The following CMIP variants were observed in gnomAD, a reference collection of about 807,000 sequenced individuals.
CMIP encodes C-Maf-inducing protein.
CMIP carries 13 observed loss-of-function variants against 97.3 expected under a neutral mutation model. That is an observed-to-expected ratio of 0.13 (90% CI 0.09 to 0.21). CMIP has a LOEUF of 0.21. CMIP is among the 10% of genes least tolerant of loss of function. The pLI, the probability that CMIP is intolerant of heterozygous loss-of-function variation, is 1.00. For synonymous variants in CMIP, 538 were observed against 436.3 expected, an observed-to-expected ratio of 1.23 and a Z score of -2.91; for missense variants, 847 against 1,024.9, an observed-to-expected ratio of 0.83 and a Z score of 2.37.
Position 81,664,569 on chromosome 16 carries a change from T to A in CMIP, c.825+220T>A, listed in dbSNP as rs866721339. 1.8e-4 allele frequency: 103 copies of A among 575,326 alleles called. No individual in the cohort carries two copies. The Middle Eastern group carries it at 3.2e-3, about 18-fold the overall frequency. The allele number at this position is 575,326 out of a possible 1,614,324, so 35.6% of individuals were successfully genotyped here. A position where few individuals can be genotyped will look rare whatever the true frequency, so the allele number is the denominator to read the frequency against. ...AGAATCTTTTTGCAGTTCCTAAGAA[T>A]TACAAAAATACCGCAGCTGGAGGAG... is the stretch of plus-strand genomic sequence containing the variant. On this transcript the variant is annotated intron_variant, in intron 7 of 20. Transcript: ENST00000537098.
chr16:81,605,132 T>C (rs2091720621), intron 1 of CMIP, among the ~76,000 whole-genome samples: 1 of 152,140 alleles, frequency 6.6e-6, no homozygotes, highest in African/African-American at 2.4e-5. Context: ...GGACAAGACA[T>C]ACTGTTAGGG....
intron 10 of CMIP, among the ~76,000 whole-genome samples, chr16:81,687,495 G>C (rs989458357): frequency 2.0e-5 from 3 of 152,208 alleles, no homozygotes; most frequent in Non-Finnish European, 2.9e-5. Context: ...GAACCCAGGT[G>C]GGGGAACTGG....
Position 81,616,320 on chromosome 16 carries a change from C to T in CMIP, c.427-4556C>T, listed in dbSNP as rs74692573. Reference sequence around the variant, plus strand: ...GTGGCCGCCAGAAGCTTCAGGAGAGCGGAGGAGGGATGGGGTCCTGGCCGA... The same window carrying T: ...GTGGCCGCCAGAAGCTTCAGGAGAGTGGAGGAGGGATGGGGTCCTGGCCGA... On this transcript the variant is annotated intron_variant, in intron 2 of 20. Coordinates refer to ENST00000537098, the MANE Select transcript of CMIP (RefSeq NM_198390.3). This position sits in a 1 kb window ranked among gnomAD's most constrained non-coding sequence, Gnocchi z 4.7. Among the ~76,000 whole-genome samples the T allele has an allele frequency of 0.11, 17,017 of 152,020 alleles. 1,037 individuals are homozygous for T. The highest frequency in any genetic ancestry group is 0.2 in the East Asian group (1,029 of 5,152).
intron 3 of CMIP, among the ~76,000 whole-genome samples, chr16:81,650,843 G>C (rs1450968864): frequency 6.6e-6 from 1 of 152,146 alleles, no homozygotes; most frequent in African/African-American, 2.4e-5. Context: ...GAAGGTGAAA[G>C]TTTTCTAGGA....
At chr16:81,496,227 T>A (rs1182576340) in intron 1 of CMIP, among the ~76,000 whole-genome samples, 1 of 152,208 alleles carries the variant, frequency 6.6e-6, no homozygotes, top group African/African-American at 2.4e-5. Flanking sequence ...GGTGCTATGG[T>A]TACTATTAAA....
intron 1 of CMIP, among the ~76,000 whole-genome samples, chr16:81,600,996 A>T (rs1014691341): frequency 1.3e-5 from 2 of 152,280 alleles, no homozygotes; most frequent in African/African-American, 4.8e-5. Flanking sequence ...TGCCACGTGG[A>T]ACCCGACTGT....
chr16:81,451,602 G>T (rs1906219550), intron 1 of CMIP, among the ~76,000 whole-genome samples: 1 of 152,184 alleles, frequency 6.6e-6, no homozygotes, highest in Non-Finnish European at 1.5e-5. Flanking sequence ...GTGTTTCCTG[G>T]GGTTATTGCT....
chr16:81,464,142 TAG>T (rs1443218178), intron 1 of CMIP: 2 of 152,228 alleles, frequency 1.3e-5, no homozygotes, highest in Non-Finnish European at 2.9e-5. Flanking sequence ...GAAGCAGGGG[TAG>T]AGACAGTAGC....
At chr16:81,622,631 C>CT (rs1166357764) in intron 3 of CMIP, among the ~76,000 whole-genome samples, 2 of 152,208 alleles carry the variant, frequency 1.3e-5, no homozygotes, top group East Asian at 1.9e-4. Flanking sequence ...GACACACTGC[C>CT]TACCCGACAG....
chr16:81,493,905 A>G (rs528408429), intron 1 of CMIP, among the ~76,000 whole-genome samples: 1 of 152,284 alleles, frequency 6.6e-6, no homozygotes, highest in Non-Finnish European at 1.5e-5. Context: ...CCGCCGTTTC[A>G]TGTTTCAGGC....
At chr16:81,647,513 C>G (rs988287243) in intron 3 of CMIP, among the ~76,000 whole-genome samples, 2 of 152,160 alleles carry the variant, frequency 1.3e-5, no homozygotes, top group African/African-American at 4.8e-5. Context: ...TGCCCAGCCA[C>G]AGAACAGTTC....
At position 81,709,622 on chromosome 16, in the gene CMIP, A is replaced by G. The variant is rs888480614; in HGVS notation, c.2269-124A>G. On this transcript the variant is annotated intron_variant, in intron 20 of 20. Coordinates refer to ENST00000537098, the MANE Select transcript of CMIP (RefSeq NM_198390.3). The stretch of plus-strand genomic sequence containing the variant: ...ACCCCTCCAAGAGCCCAGGTAGCCC[A>G]CAGCACCAAGGTGGGGAGAGGGTGG... 4 of 1,065,396 alleles carry G rather than the reference A, an allele frequency of 3.8e-6. No homozygotes were observed. In the East Asian group the frequency reaches 1.0e-4, roughly 27 times the overall value. 66.0% of individuals were successfully genotyped at this position (1,065,396 alleles called of 1,614,324 possible).
At chr16:81,515,032 C>T (rs1270755201) in intron 1 of CMIP, among the ~76,000 whole-genome samples, 1 of 152,228 alleles carries the variant, frequency 6.6e-6, no homozygotes, top group African/African-American at 2.4e-5. Flanking sequence ...CATATCCTTC[C>T]CATTTTCCAG....
At chr16:81,490,281 GC>G (rs1402592632) in intron 1 of CMIP, among the ~76,000 whole-genome samples, 1 of 152,204 alleles carries the variant, frequency 6.6e-6, no homozygotes, top group Non-Finnish European at 1.5e-5. Context: ...GGTCAGGAGA[GC>G]CCAGTGCAGA....
chr16:81,454,782 G>A (rs1369879610), intron 1 of CMIP, among the ~76,000 whole-genome samples: 2 of 152,194 alleles, frequency 1.3e-5, no homozygotes, highest in African/African-American at 4.8e-5. Context: ...GTCTTGTCCT[G>A]TGTTTGGACG....
chr16:81,609,520 C>T (rs940831186), intron 2 of CMIP, among the ~76,000 whole-genome samples: 3 of 152,206 alleles, frequency 2.0e-5, no homozygotes, highest in Non-Finnish European at 2.9e-5. Context: ...AGGCCCCATG[C>T]GTGAAGAGCC....
chr16:81,677,116 G>T (rs186054050), intron 9 of CMIP, among the ~76,000 whole-genome samples: 9 of 152,292 alleles, frequency 5.9e-5, no homozygotes, highest in African/African-American at 2.2e-4. Flanking sequence ...CCCGCCAGGG[G>T]TGGAGAGCTT....
chr16:81,649,075 C>G (rs1241190390), intron 3 of CMIP, among the ~76,000 whole-genome samples: 1 of 152,234 alleles, frequency 6.6e-6, no homozygotes, highest in African/African-American at 2.4e-5. Context: ...AGTCCCTTGT[C>G]TCAGGGTCCT....
intron 9 of CMIP, among the ~76,000 whole-genome samples, chr16:81,673,195 G>C (rs956762978): frequency 6.6e-6 from 1 of 152,138 alleles, no homozygotes; most frequent in South Asian, 2.1e-4. Context: ...GGACAGGGAA[G>C]GGAGGACATC....
Sources: allele counts gnomAD v4.1 joint callset (sites outside exome capture counted in the v4.1 genomes callset), GRCh38; gene constraint gnomAD v4.1.1; non-coding constraint Gnocchi (gnomAD v3.1); transcripts MANE v1.5; gene names NCBI Gene and HGNC (gene_info 2026-07-23, HGNC 2026-07-21).